RAD18: variants seen among roughly 807,000 people sequenced by gnomAD.
The protein encoded by RAD18 is RAD18 E3 ubiquitin protein ligase.
A neutral mutation model predicts 60.4 loss-of-function variants in RAD18; 47 were observed. The observed-to-expected ratio is 0.78, with a 90% confidence interval of 0.62 to 0.99. The LOEUF (loss-of-function observed/expected upper bound fraction) is 0.99, where lower values mean the gene tolerates loss of function less well. Ranked by LOEUF, RAD18 falls within the 50% of genes least tolerant of loss-of-function variation. The pLI is 0.00. For synonymous variants in RAD18, 225 were observed against 195.5 expected, an observed-to-expected ratio of 1.15 and a Z score of -1.26; for missense variants, 640 against 593.3, an observed-to-expected ratio of 1.08 and a Z score of -0.82.
chr3:8,942,102 A>G (rs1940758061), intron 4 of RAD18, among the ~76,000 whole-genome samples: 1 of 152,164 alleles, frequency 6.6e-6, no homozygotes, highest in African/African-American at 2.4e-5. Context: ...AAATATACTG[A>G]TATAGTCTGG....
At chr3:8,899,652 G>A (rs1397817036) in intron 10 of RAD18, among the ~76,000 whole-genome samples, 1 of 152,108 alleles carries the variant, frequency 6.6e-6, no homozygotes, top group Non-Finnish European at 1.5e-5. Context: ...TAAAAATAAA[G>A]ACCCCAAAAA....
intron 7 of RAD18, among the ~76,000 whole-genome samples, chr3:8,934,167 T>C (rs1940611144): frequency 6.6e-6 from 1 of 152,122 alleles, no homozygotes; most frequent in African/African-American, 2.4e-5. Context: ...TACATCAAAA[T>C]TTAGGAGCAA....
rs540216716 is a variant in RAD18 at position 8,906,357 on chromosome 3, C to G, written c.1028-3837G>C. 3.3e-5 allele frequency among the ~76,000 whole-genome samples: 5 copies of G among 152,236 alleles called. No homozygotes were observed. In the South Asian group the frequency reaches 1.0e-3, roughly 32 times the overall value. On this transcript the variant is annotated intron_variant, in intron 9 of 12. Transcript: ENST00000264926. ...AAACCCTCCCTTGACCCAACACCCC[C>G]CTCCAGCTATGACCCTATTTTTTTG...
intron 6 of RAD18, among the ~76,000 whole-genome samples, chr3:8,938,570 C>G (rs975100142): frequency 2.0e-5 from 3 of 152,074 alleles, no homozygotes; most frequent in Non-Finnish European, 4.4e-5. Flanking sequence ...GAATTATCAC[C>G]TATTATCTTG....
chr3:8,910,413 A>C (rs1396672407), intron 9 of RAD18, among the ~76,000 whole-genome samples: 2 of 152,134 alleles, frequency 1.3e-5, no homozygotes, highest in African/African-American at 4.8e-5. Context: ...ATCCTGGCTA[A>C]CACGGTGAAA....
In RAD18 at chr3:8,912,289, TTAAA is replaced by T. The variant is rs1940117192; in HGVS notation, c.1027+19_1027+22del. ...AACAGCAACTGAAGCTCTTTACAAA[TTAAA>T]TAAAGTCGTGCAACTTACGATATTT... is the stretch of plus-strand genomic sequence containing the variant. On this transcript the variant is annotated intron_variant, in intron 9 of 12. Coordinates refer to ENST00000264926, the MANE Select transcript of RAD18 (RefSeq NM_020165.4). 6.7e-7 allele frequency: 1 copy of T among 1,500,874 alleles called. No homozygotes were observed. Among genetic ancestry groups the T allele is most frequent in the South Asian group, 1.3e-5 (1 of 77,902 alleles). The allele number at this position is 1,500,874 out of a possible 1,614,324, so 93.0% of individuals were successfully genotyped here.
intron 11 of RAD18, 110 bp downstream of exon 11, chr3:8,898,784 T>C: frequency 1.1e-6 from 1 of 938,408 alleles, no homozygotes; most frequent in African/African-American, 1.7e-5. Flanking sequence ...AATGTAAGAG[T>C]GACACACCAT....
At chr3:8,942,928 C>A (rs1487810321) in intron 4 of RAD18, among the ~76,000 whole-genome samples, 1 of 152,178 alleles carries the variant, frequency 6.6e-6, no homozygotes, top group Non-Finnish European at 1.5e-5. Context: ...CGCATTGGAG[C>A]CCAGCCAAAG....
At chr3:8,956,577 G>A (rs2124845445) in intron 2 of RAD18, among the ~76,000 whole-genome samples, 1 of 152,228 alleles carries the variant, frequency 6.6e-6, no homozygotes, top group Middle Eastern at 3.4e-3. Context: ...GGGGACTACA[G>A]TACAAAGCCA....
intron 8 of RAD18, 37 bp from the exon 9 acceptor site, chr3:8,912,409 C>A: frequency 7.2e-7 from 1 of 1,385,202 alleles, no homozygotes; most frequent in Non-Finnish European, 9.9e-7. Flanking sequence ...TAAAAATCTC[C>A]CCAAAATGAC....
chr3:8,900,280 T>C (rs1939881576), intron 10 of RAD18, among the ~76,000 whole-genome samples: 2 of 152,128 alleles, frequency 1.3e-5, no homozygotes, highest in South Asian at 4.1e-4. Context: ...ACTCCTCTTG[T>C]AAACAGATAC....
intron 9 of RAD18, among the ~76,000 whole-genome samples, chr3:8,906,907 G>A (rs577128364): frequency 4.4e-4 from 67 of 151,516 alleles, no homozygotes; most frequent in African/African-American, 1.5e-3. Context: ...GGGTTATTTC[G>A]AAATGGATTA....
intron 12 of RAD18, among the ~76,000 whole-genome samples, chr3:8,885,590 G>A (rs927096481): frequency 4.7e-4 from 72 of 152,278 alleles, no homozygotes; most frequent in African/African-American, 1.6e-3. Context: ...AGCCAGAAAG[G>A]TGACCACTCT....
intron 6 of RAD18, among the ~76,000 whole-genome samples, chr3:8,937,808 T>A (rs1428862547): frequency 1.3e-5 from 2 of 152,200 alleles, no homozygotes; most frequent in African/African-American, 4.8e-5. Flanking sequence ...AAGAGGGGGA[T>A]CCAGGAGGTA....
At chr3:8,895,674 T>C (rs147487357) in intron 11 of RAD18, among the ~76,000 whole-genome samples, 26 of 152,356 alleles carry the variant, frequency 1.7e-4, no homozygotes, top group African/African-American at 5.8e-4. Flanking sequence ...TAGATTGATA[T>C]ATTTACATGG....
intron 7 of RAD18, among the ~76,000 whole-genome samples, chr3:8,915,405 A>G (rs1940181566): frequency 1.3e-5 from 2 of 152,172 alleles, no homozygotes; most frequent in African/African-American, 4.8e-5. Flanking sequence ...AGGGATCATG[A>G]GCACTGGTTG....
At chr3:8,948,378 G>A in intron 3 of RAD18, 131 bp downstream of exon 3, 1 of 729,910 alleles carries the variant, frequency 1.4e-6, no homozygotes, top group Non-Finnish European at 2.2e-6. Context: ...GGTCCTTTCT[G>A]AAAATGTCTT....
intron 7 of RAD18, among the ~76,000 whole-genome samples, chr3:8,932,941 C>A (rs1406413546): frequency 6.6e-6 from 1 of 151,822 alleles, no homozygotes; most frequent in Non-Finnish European, 1.5e-5. Flanking sequence ...ACTAAAAATA[C>A]AAAAATTAGC....
intron 7 of RAD18, among the ~76,000 whole-genome samples, chr3:8,915,300 T>A (rs912453776): frequency 6.6e-6 from 1 of 152,142 alleles, no homozygotes; most frequent in Non-Finnish European, 1.5e-5. Context: ...GGATAACTTA[T>A]AAAACTATAA....
Sources: gnomAD v4.1 joint callset for allele counts (sites outside exome capture counted in the v4.1 genomes callset) on GRCh38, gnomAD v4.1.1 for gene constraint, MANE v1.5 for transcripts, NCBI Gene and HGNC (gene_info 2026-07-23, HGNC 2026-07-21) for gene names.